Variants in SLC35D2 observed in about 807,000 individuals in gnomAD.
The protein encoded by SLC35D2 is solute carrier family 35 member D2, also known as nucleotide sugar transporter SLC35D2.
A neutral mutation model predicts 41.8 loss-of-function variants in SLC35D2; 43 were observed. That is an observed-to-expected ratio of 1.03 (90% CI 0.81 to 1.33). The LOEUF (loss-of-function observed/expected upper bound fraction) is 1.33, where lower values mean the gene tolerates loss of function less well. Among genes scored for constraint, SLC35D2 ranks in the 40% most tolerant of loss-of-function variants. SLC35D2 has a pLI of 0.00. For missense variants in SLC35D2, 380 were observed against 408.4 expected (o/e 0.93, Z 0.60); for synonymous variants, 150 against 163.9 (o/e 0.92, Z 0.65).
rs760280177 is a variant in SLC35D2, at chr9:96,364,463, C to G, written c.279+1G>C. ...AGTCATACATACTTTTCATTACTTA[C>G]CTTTACAGGAATTTTCTTATCAAAA... On this transcript the variant is annotated splice_donor_variant, in intron 3 of 11. Coordinates refer to ENST00000253270, the MANE Select transcript of SLC35D2 (RefSeq NM_007001.3). LOFTEE classifies it high-confidence loss of function. 5.9e-6 allele frequency: 9 copies of G among 1,529,696 alleles called. No homozygotes were observed. In the Admixed American group the frequency reaches 1.5e-4, roughly 26 times the overall value. 94.8% of individuals were successfully genotyped at this position (1,529,696 alleles called of 1,614,324 possible).
chr9:96,330,136 T>C (rs1828740829), intron 9 of SLC35D2, among the ~76,000 whole-genome samples: 1 of 152,236 alleles, frequency 6.6e-6, no homozygotes, highest in African/African-American at 2.4e-5. Flanking sequence ...AGTTCTGATG[T>C]CCAAGGCAGC....
chr9:96,364,446 A>T lies in SLC35D2; in HGVS notation c.279+18T>A. On this transcript the variant is annotated intron_variant, in intron 3 of 11. Coordinates refer to ENST00000253270, the MANE Select transcript of SLC35D2 (RefSeq NM_007001.3). ...TTCACATCTTCTATCACAGTCATAC[A>T]TACTTTTCATTACTTACCTTTACAG... is the stretch of plus-strand genomic sequence containing the variant. 4 of 1,409,494 alleles carry T rather than the reference A, an allele frequency of 2.8e-6. No individual in the cohort carries two copies. The highest frequency in any genetic ancestry group is 4.0e-6 in the Non-Finnish European group (4 of 997,396). 87.3% of individuals were successfully genotyped at this position (1,409,494 alleles called of 1,614,324 possible).
chr9:96,342,171 C>G (rs576325800), intron 8 of SLC35D2, among the ~76,000 whole-genome samples: 4 of 152,004 alleles, frequency 2.6e-5, no homozygotes, highest in Non-Finnish European at 5.9e-5. Context: ...AGTGCAATAG[C>G]GTGATCTCGG....
chr9:96,359,347 T>G (rs568924506), intron 4 of SLC35D2, among the ~76,000 whole-genome samples: 1 of 151,798 alleles, frequency 6.6e-6, no homozygotes, highest in African/African-American at 2.4e-5. Flanking sequence ...ACTGATCCAT[T>G]TAATAGCATT....
chr9:96,333,593 T>TC (rs1554710752), intron 9 of SLC35D2, among the ~76,000 whole-genome samples: 1 of 87,540 alleles, frequency 1.1e-5, no homozygotes, highest in Admixed American at 1.5e-4. Flanking sequence ...AGACTCCGTC[T>TC]CAAAAAAAAA....
At chr9:96,379,446 A>G (rs936269266) in intron 1 of SLC35D2, among the ~76,000 whole-genome samples, 2 of 152,192 alleles carry the variant, frequency 1.3e-5, no homozygotes, top group Non-Finnish European at 2.9e-5. Context: ...TGGCATTACA[A>G]TGAATTATAA....
At chr9:96,326,756 G>A (rs1238726718) in intron 9 of SLC35D2, among the ~76,000 whole-genome samples, 10 of 149,878 alleles carry the variant, frequency 6.7e-5, no homozygotes, top group African/African-American at 2.0e-4. Context: ...CAGTGAGCCG[G>A]GATCGCACCA....
chr9:96,321,214 G>A lies in SLC35D2; in HGVS notation c.*28C>T, dbSNP rs1828205229. 6.5e-7 allele frequency: 1 copy of A among 1,541,778 alleles called. No homozygotes were observed. Among genetic ancestry groups the A allele is most frequent in the Admixed American group, 1.7e-5 (1 of 59,158 alleles). Reference sequence around the variant, plus strand: ...ATGCCCCCCCAGCCCGCAGTCACAAGTCAGTCTCCAATCCTGCTGCAGACT... The same window carrying A: ...ATGCCCCCCCAGCCCGCAGTCACAAATCAGTCTCCAATCCTGCTGCAGACT... On this transcript the variant is annotated 3_prime_UTR_variant, in exon 12 of 12. Transcript: ENST00000253270.
chr9:96,365,701 C>G (rs368892314), intron 2 of SLC35D2, among the ~76,000 whole-genome samples: 1 of 152,176 alleles, frequency 6.6e-6, no homozygotes, highest in Non-Finnish European at 1.5e-5. Flanking sequence ...ACTTTTCAAT[C>G]TAGCTGGTAT....
intron 1 of SLC35D2, among the ~76,000 whole-genome samples, chr9:96,376,792 G>A (rs991308915): frequency 1.3e-5 from 2 of 151,456 alleles, no homozygotes; most frequent in Admixed American, 6.6e-5. Flanking sequence ...TTTTAGTAGC[G>A]ACGGGGTTTC....
intron 1 of SLC35D2, among the ~76,000 whole-genome samples, chr9:96,370,378 T>G (rs1016801250): frequency 2.6e-5 from 4 of 152,182 alleles, no homozygotes; most frequent in Non-Finnish European, 4.4e-5. Context: ...GTCACCCGGC[T>G]AGGAGTGGTG....
At chr9:96,341,981 A>G (rs1324890405) in intron 8 of SLC35D2, among the ~76,000 whole-genome samples, 1 of 151,804 alleles carries the variant, frequency 6.6e-6, no homozygotes, top group Non-Finnish European at 1.5e-5. Flanking sequence ...GAATTTCAGA[A>G]CAGATAAACT....
intron 9 of SLC35D2, among the ~76,000 whole-genome samples, chr9:96,327,083 C>T (rs1054341007): frequency 2.6e-5 from 4 of 152,164 alleles, no homozygotes; most frequent in South Asian, 2.1e-4. Flanking sequence ...CCCAGCCCAA[C>T]GCAGGGGCAG....
rs142120380 is a variant in SLC35D2, at chr9:96,313,763, A to T, written c.*2172T>A. 6.6e-5 allele frequency among the ~76,000 whole-genome samples: 10 copies of T among 152,306 alleles called. No individual in the cohort carries two copies. The East Asian group carries it at 1.9e-3, about 29-fold the overall frequency. On this transcript the variant is annotated 3_prime_UTR_variant and NMD_transcript_variant, in exon 12 of 12. Coordinates refer to the SLC35D2 transcript ENST00000650065. The stretch of plus-strand genomic sequence containing the variant: ...GCGTCCTCCCTGGGCAGCCTCTCTG[A>T]GCCACTCGTCTGGGTGCTGGACAGG...
chr9:96,330,174 G>C (rs1443965589), intron 9 of SLC35D2, among the ~76,000 whole-genome samples: 1 of 152,230 alleles, frequency 6.6e-6, no homozygotes, highest in East Asian at 1.9e-4. Context: ...AGATTTCAAA[G>C]AGGGATGGAT....
Position 96,364,452 on chromosome 9 carries a change from T to A in SLC35D2, c.279+12A>T, listed in dbSNP as rs200461340. ...TCTTCTATCACAGTCATACATACTT[T>A]TCATTACTTACCTTTACAGGAATTT... On this transcript the variant is annotated intron_variant, in intron 3 of 11. Transcript: ENST00000253270. 1 of 1,475,416 alleles carries A rather than the reference T, an allele frequency of 6.8e-7. No individual in the cohort carries two copies. Among genetic ancestry groups the A allele is most frequent in the African/African-American group, 1.4e-5 (1 of 71,994 alleles). 91.4% of individuals were successfully genotyped at this position (1,475,416 alleles called of 1,614,324 possible).
At chr9:96,324,031 G>T in intron 10 of SLC35D2, 60 bp downstream of exon 10, 1 of 1,450,102 alleles carries the variant, frequency 6.9e-7, no homozygotes, top group Admixed American at 1.7e-5. Flanking sequence ...GCCTCCCATG[G>T]AATATTTGGA....
chr9:96,323,818 C>T lies in SLC35D2; in HGVS notation c.831+273G>A, dbSNP rs1468360484. On this transcript the variant is annotated intron_variant, in intron 10 of 11. Coordinates refer to ENST00000253270, the MANE Select transcript of SLC35D2 (RefSeq NM_007001.3). ...GCAGGCGCCTGTAATCCCAGCTGCT[C>T]GGGAGGCTGAGGCAGGAGAACCGCT... Among the ~76,000 whole-genome samples the T allele has an allele frequency of 2.6e-5, 4 of 151,866 alleles. No homozygotes were observed. In the South Asian group the frequency reaches 6.3e-4, roughly 24 times the overall value.
intron 6 of SLC35D2, among the ~76,000 whole-genome samples, chr9:96,346,251 G>A (rs1829568870): frequency 6.6e-6 from 1 of 152,190 alleles, no homozygotes; most frequent in Non-Finnish European, 1.5e-5. Context: ...TCACAGAAAA[G>A]AAGTGAAACT....
Sources: allele counts gnomAD v4.1 joint callset (sites outside exome capture counted in the v4.1 genomes callset), GRCh38; gene constraint gnomAD v4.1.1; transcripts MANE v1.5; gene names NCBI Gene and HGNC (gene_info 2026-07-23, HGNC 2026-07-21).